Variants in NPR2 observed in about 807,000 individuals in gnomAD.
The protein encoded by NPR2 is atrial natriuretic peptide receptor 2.
Under a neutral mutation model 120.7 loss-of-function variants are expected in NPR2, and 49 were observed. That is an observed-to-expected ratio of 0.41 (90% CI 0.32 to 0.52). NPR2 has a LOEUF of 0.52. Among genes scored for constraint, NPR2 ranks in the 20% least tolerant of loss-of-function variants. NPR2 has a pLI of 0.36. For synonymous variants in NPR2, 484 were observed against 519.8 expected (o/e 0.93, Z 0.94); for missense variants, 931 against 1,362.9 (o/e 0.68, Z 4.99).
chr9:35,791,654 G>A lies in NPR2; in HGVS notation c.-755G>A, dbSNP rs964544836. On this transcript the variant is annotated 5_prime_UTR_variant, in exon 1 of 22. Transcript: ENST00000342694. Reference sequence around the variant, plus strand: ...GGGCCGGGCCGAGGCGACCTGACCCGGACGAGCGGCGCGCGCGGGGCCCAG... The same window carrying A: ...GGGCCGGGCCGAGGCGACCTGACCCAGACGAGCGGCGCGCGCGGGGCCCAG... Among the ~76,000 whole-genome samples the A allele has an allele frequency of 2.9e-4, 42 of 147,108 alleles. No individual in the cohort carries two copies. Among genetic ancestry groups the A allele is most frequent in the African/African-American group, 1.0e-3 (40 of 40,172 alleles).
chr9:35,809,382 A>C lies in NPR2; in HGVS notation c.3081A>C (p.Gly1027=), dbSNP rs765639995. The change falls in exon 22 of 22, where the codon GGA becomes GGC. Residue 1027 remains glycine (G), a splice_region_variant and synonymous_variant. Transcript: ENST00000342694. The surrounding 1 kb of genome is among the most constrained non-coding windows in gnomAD (Gnocchi z 4.1). ...CATGTCCACTCTCCCACTTCCAGGG[A>C]AAAGGAAAGATGCGAACATACTGGC... ...LELRGDVEMK[G]KGKMRTYWLL... 1 of 1,614,120 alleles carries C rather than the reference A, an allele frequency of 6.2e-7. No homozygotes were observed. The highest frequency in any genetic ancestry group is 8.5e-7 in the Non-Finnish European group (1 of 1,180,004).
Position 35,808,963 on chromosome 9 carries a change from C to A in NPR2, c.2986+110C>A. Reference sequence around the variant, plus strand: ...CTGAGAGACCACAGTTCCTTAGTGTCGCATCCTCGGGCATATTTTGGTTCT... The same window carrying A: ...CTGAGAGACCACAGTTCCTTAGTGTAGCATCCTCGGGCATATTTTGGTTCT... On this transcript the variant is annotated intron_variant, in intron 20 of 21. Coordinates refer to ENST00000342694, the MANE Select transcript of NPR2 (RefSeq NM_003995.4). The surrounding 1 kb of genome is among the most constrained non-coding windows in gnomAD (Gnocchi z 4.0). 1.1e-6 allele frequency: 1 copy of A among 942,690 alleles called. No individual in the cohort carries two copies. The highest frequency in any genetic ancestry group is 1.3e-5 in the South Asian group (1 of 76,654). 58.4% of individuals were successfully genotyped at this position (942,690 alleles called of 1,614,324 possible).
Position 35,806,127 on chromosome 9 carries a change from C to G in NPR2, c.2266C>G (p.Gln756Glu). The change falls in exon 15 of 22, where the codon CAA becomes GAA. Residue 756 changes from glutamine (Q) to glutamate (E), a missense_variant. Coordinates refer to ENST00000342694, the MANE Select transcript of NPR2 (RefSeq NM_003995.4). The surrounding 1 kb of genome is among the most constrained non-coding windows in gnomAD (Gnocchi z 4.6). The part of the protein sequence containing the change: ...PYFRPSIDRT[Q>E]LNEELVLLME... ...TTTCCGGCCAAGCATTGACCGGACC[C>G]AACTGAATGAAGAGCTAGTTTTGCT... 6.2e-7 allele frequency: 1 copy of G among 1,614,214 alleles called. No homozygotes were observed. The highest frequency in any genetic ancestry group is 8.5e-7 in the Non-Finnish European group (1 of 1,180,052).
chr9:35,795,342 C>T (rs115116804), intron 2 of NPR2, among the ~76,000 whole-genome samples: 1,784 of 152,332 alleles, frequency 0.012, 33 homozygotes, highest in African/African-American at 0.04. Flanking sequence ...CCCGATTCCC[C>T]CGCCACTTTT....
chr9:35,793,211 G>T (rs1827843104), intron 1 of NPR2, 136 bp downstream of exon 1: 5 of 950,644 alleles, frequency 5.3e-6, no homozygotes, highest in Middle Eastern at 2.2e-4. Context: ...AGCACACGTG[G>T]ACAGAGCACC....
chr9:35,791,653 C>T lies in NPR2; in HGVS notation c.-756C>T, dbSNP rs1234126231. ...CGGGCCGGGCCGAGGCGACCTGACC[C>T]GGACGAGCGGCGCGCGCGGGGCCCA... On this transcript the variant is annotated 5_prime_UTR_variant, in exon 1 of 22. Transcript: ENST00000342694. Among the ~76,000 whole-genome samples the T allele has an allele frequency of 1.7e-3, 183 of 106,494 alleles. No individual in the cohort carries two copies. Among genetic ancestry groups the T allele is most frequent in the South Asian group, 2.4e-3 (7 of 2,958 alleles). 69.9% of individuals were successfully genotyped at this position (106,494 alleles called of 152,430 possible). A position where few individuals can be genotyped will look rare whatever the true frequency, so the allele number is the denominator to read the frequency against.
In NPR2 at chr9:35,809,387, G is replaced by T. The variant is rs1378002065; in HGVS notation, c.3086G>T (p.Gly1029Val). Residue 1029 changes from glycine to valine, a missense_variant, in exon 22 of 22, where the codon GGA becomes GTA. This residue lies in a region of NPR2 where 184 missense variants were observed against 328.3 expected (regional missense o/e 0.56). Transcript: ENST00000342694. This position sits in a 1 kb window ranked among gnomAD's most constrained non-coding sequence, Gnocchi z 4.1. ...LRGDVEMKGK[G>V]KMRTYWLLGE... ...CCACTCTCCCACTTCCAGGGAAAAGGAAAGATGCGAACATACTGGCTCTTA... is the reference window on the plus strand; with the variant it reads ...CCACTCTCCCACTTCCAGGGAAAAGTAAAGATGCGAACATACTGGCTCTTA... 2 of 1,614,020 alleles carry T rather than the reference G, an allele frequency of 1.2e-6. No individual in the cohort carries two copies. Among genetic ancestry groups the T allele is most frequent in the African/African-American group, 1.3e-5 (1 of 74,906 alleles).
At chr9:35,799,773 G>T in intron 3 of NPR2, 42 bp downstream of exon 3, 1 of 1,540,396 alleles carries the variant, frequency 6.5e-7, no homozygotes, top group South Asian at 1.1e-5. Flanking sequence ...GTCAAGCTTT[G>T]GGGAAGGGCT....
rs1368225949 is a variant in NPR2, at chr9:35,802,008, G to A, written c.1632+8G>A. 6.2e-6 allele frequency: 10 copies of A among 1,611,868 alleles called. No homozygotes were observed. The highest frequency in any genetic ancestry group is 8.5e-6 in the Non-Finnish European group (10 of 1,178,024). ...AACACCGGTCACTTCAAGGTGAACA[G>A]TCATTTGCTTGTTCTGGTCCCCACC... On this transcript the variant is annotated splice_region_variant and intron_variant, in intron 9 of 21. Coordinates refer to ENST00000342694, the MANE Select transcript of NPR2 (RefSeq NM_003995.4). This position sits in a 1 kb window ranked among gnomAD's most constrained non-coding sequence, Gnocchi z 4.2.
chr9:35,798,505 C>G (rs1203607001), intron 2 of NPR2, among the ~76,000 whole-genome samples: 1 of 152,178 alleles, frequency 6.6e-6, no homozygotes, highest in African/African-American at 2.4e-5. Flanking sequence ...TTTCCTATCT[C>G]TAATGAATTG....
At position 35,809,156 on chromosome 9, in the gene NPR2, C is replaced by A; in HGVS notation, c.2987C>A (p.Ala996Glu). ...TASRMESNGQ[A>E]LKIHVSSTTK... is the part of the protein sequence containing the mutation. ...ATCCTCCCCATTCCACCCACCCCAG[C>A]GCTGAAGATCCATGTCTCCTCTACC... is the stretch of plus-strand genomic sequence containing the variant. The change falls in exon 21 of 22, where the codon GCG becomes GAG. Residue 996 changes from alanine (A) to glutamate (E), a missense_variant and splice_region_variant. Coordinates refer to ENST00000342694, the MANE Select transcript of NPR2 (RefSeq NM_003995.4). This position sits in a 1 kb window ranked among gnomAD's most constrained non-coding sequence, Gnocchi z 4.1. 6.2e-7 allele frequency: 1 copy of A among 1,613,346 alleles called. No individual in the cohort carries two copies. The highest frequency in any genetic ancestry group is 8.5e-7 in the Non-Finnish European group (1 of 1,179,438).
chr9:35,807,212 G>A, intron 17 of NPR2, 66 bp downstream of exon 17: 1 of 1,489,316 alleles, frequency 6.7e-7, no homozygotes, highest in Non-Finnish European at 9.4e-7. Flanking sequence ...AAGCCTCATT[G>A]ATAATAGGAA....
At chr9:35,801,815 T>C in intron 8 of NPR2, 52 bp downstream of exon 8, 2 of 1,613,212 alleles carry the variant, frequency 1.2e-6, no homozygotes, top group Non-Finnish European at 1.7e-6. Context: ...TCCTGTCCCT[T>C]CTTACCCTGG....
chr9:35,802,292 C>A lies in NPR2; in HGVS notation c.1710+9C>A. 6.6e-7 allele frequency: 1 copy of A among 1,512,034 alleles called. No homozygotes were observed. Among genetic ancestry groups the A allele is most frequent in the Non-Finnish European group, 9.2e-7 (1 of 1,088,490 alleles). 93.7% of individuals were successfully genotyped at this position (1,512,034 alleles called of 1,614,324 possible). ...TGTTTGAACTCAAACATGTATGTAACAGAGGATGGACTCTAACATGTATGT... is the reference window on the plus strand; with the variant it reads ...TGTTTGAACTCAAACATGTATGTAAAAGAGGATGGACTCTAACATGTATGT... On this transcript the variant is annotated intron_variant, in intron 10 of 21. Coordinates refer to ENST00000342694, the MANE Select transcript of NPR2 (RefSeq NM_003995.4). This position sits in a 1 kb window ranked among gnomAD's most constrained non-coding sequence, Gnocchi z 4.2.
intron 1 of NPR2, 125 bp from the exon 2 acceptor site, chr9:35,793,773 G>C: frequency 1.1e-6 from 1 of 929,374 alleles, no homozygotes. Flanking sequence ...ATCTGCTTTG[G>C]GGTTGATAGG....
Position 35,808,398 on chromosome 9 carries a change from GTC to G in NPR2, c.2713-108_2713-107del. 1 of 1,401,976 alleles carries G rather than the reference GTC, an allele frequency of 7.1e-7. No individual in the cohort carries two copies. 86.8% of individuals were successfully genotyped at this position (1,401,976 alleles called of 1,614,324 possible). On this transcript the variant is annotated intron_variant, in intron 18 of 21. Coordinates refer to ENST00000342694, the MANE Select transcript of NPR2 (RefSeq NM_003995.4). The surrounding 1 kb of genome is among the most constrained non-coding windows in gnomAD (Gnocchi z 4.0). ...CACTTATTTTCTAGTCAATATTCTGGTCTCCAGCATGTCAGGATGATTAATGA... is the reference window on the plus strand; with the variant it reads ...CACTTATTTTCTAGTCAATATTCTGGTCCAGCATGTCAGGATGATTAATGA...
chr9:35,793,176 C>A, intron 1 of NPR2, 101 bp downstream of exon 1: 1 of 1,268,900 alleles, frequency 7.9e-7, no homozygotes, highest in Non-Finnish European at 1.1e-6. Context: ...CATTGAGCAG[C>A]TGTATGTGGT....
intron 1 of NPR2, among the ~76,000 whole-genome samples, chr9:35,793,401 C>G (rs375390652): frequency 1.3e-5 from 2 of 152,190 alleles, no homozygotes; most frequent in African/African-American, 4.8e-5. Flanking sequence ...GATAGCCACT[C>G]TGAAATGTGC....
chr9:35,799,459 CAG>C (rs1216205780), intron 2 of NPR2, among the ~76,000 whole-genome samples, 157 bp from the exon 3 acceptor site: 3 of 151,554 alleles, frequency 2.0e-5, no homozygotes. Context: ...CACACACACG[CAG>C]AGAGAGAGAG....
Sources: allele counts gnomAD v4.1 joint callset (sites outside exome capture counted in the v4.1 genomes callset), GRCh38; gene constraint gnomAD v4.1.1; regional missense constraint gnomAD v4.1.1; non-coding constraint Gnocchi (gnomAD v3.1); transcripts MANE v1.5; gene names NCBI Gene and HGNC (gene_info 2026-07-23, HGNC 2026-07-21).